Variants in GMDS observed in about 807,000 individuals in gnomAD.
GMDS encodes GDP-mannose 4,6-dehydratase, also known as GDP-mannose 4,6 dehydratase.
Under a neutral mutation model 49.9 loss-of-function variants are expected in GMDS, and 20 were observed. The ratio of observed to expected loss-of-function variants is 0.40; its 90% CI spans 0.28 to 0.58. GMDS has a LOEUF of 0.58. GMDS is among the 20% of genes least tolerant of loss of function. The probability of loss-of-function intolerance (pLI) is 0.42; values close to 1 mark genes in which losing one functional copy is unlikely to be tolerated. For missense variants in GMDS, 362 were observed against 481.4 expected, an observed-to-expected ratio of 0.75 and a Z score of 2.32; for synonymous variants, 177 against 178.6, an observed-to-expected ratio of 0.99 and a Z score of 0.07.
chr6:1,650,617 C>T (rs185958658), intron 9 of GMDS, among the ~76,000 whole-genome samples: 206 of 152,324 alleles, frequency 1.4e-3, no homozygotes, highest in African/African-American at 4.5e-3. Context: ...GCTCTGTCAC[C>T]CAGGCTGGAG....
At chr6:2,220,946 G>A (rs74436319) in intron 1 of GMDS, among the ~76,000 whole-genome samples, 8,302 of 152,234 alleles carry the variant, frequency 0.055, 348 homozygotes, top group East Asian at 0.2. Context: ...GGAGGCCAAC[G>A]TGGGAAGATC....
intron 7 of GMDS, among the ~76,000 whole-genome samples, chr6:1,790,424 A>G (rs1286202243): frequency 1.3e-5 from 2 of 152,208 alleles, no homozygotes; most frequent in Non-Finnish European, 1.5e-5. Flanking sequence ...AGAGAGGCTG[A>G]GTAACTTGTT....
chr6:1,713,252 C>T (rs945121962), intron 9 of GMDS, among the ~76,000 whole-genome samples: 6 of 152,228 alleles, frequency 3.9e-5, no homozygotes, highest in East Asian at 1.9e-4. Flanking sequence ...TTGGCCACTG[C>T]GGTCCCTGTG....
chr6:1,665,318 C>G (rs1316050683), intron 9 of GMDS, among the ~76,000 whole-genome samples: 4 of 152,008 alleles, frequency 2.6e-5, no homozygotes, highest in Non-Finnish European at 4.4e-5. Flanking sequence ...GTTTCAATTC[C>G]TTGTTTGAAG....
intron 1 of GMDS, among the ~76,000 whole-genome samples, chr6:2,239,289 C>A (rs1256637084): frequency 6.6e-6 from 1 of 150,430 alleles, no homozygotes; most frequent in Non-Finnish European, 1.5e-5. Flanking sequence ...GATCATACCA[C>A]CATTGCACTC....
intron 4 of GMDS, among the ~76,000 whole-genome samples, chr6:2,005,502 C>T (rs909954138): frequency 3.9e-5 from 6 of 152,172 alleles, no homozygotes; most frequent in Non-Finnish European, 7.3e-5. Context: ...TCTACTTTAA[C>T]AGTTTTCGTT....
intron 9 of GMDS, among the ~76,000 whole-genome samples, chr6:1,628,687 A>G (rs929048322): frequency 5.3e-4 from 80 of 152,212 alleles, no homozygotes; most frequent in Non-Finnish European, 4.4e-5. Context: ...TTGGCAGATT[A>G]TTGTTAAATT....
intron 7 of GMDS, among the ~76,000 whole-genome samples, chr6:1,820,785 C>A (rs1214145744): frequency 2.0e-5 from 3 of 152,170 alleles, no homozygotes; most frequent in Non-Finnish European, 4.4e-5. Flanking sequence ...TAACTGCAAG[C>A]CTGCTGCTTT....
intron 7 of GMDS, among the ~76,000 whole-genome samples, chr6:1,793,488 C>T (rs1419063545): frequency 6.6e-6 from 1 of 152,176 alleles, no homozygotes; most frequent in Non-Finnish European, 1.5e-5. Flanking sequence ...GACTTATGAT[C>T]TTTAAGATGT....
intron 7 of GMDS, among the ~76,000 whole-genome samples, chr6:1,897,594 G>A (rs914591127): frequency 1.3e-5 from 2 of 152,174 alleles, no homozygotes; most frequent in Admixed American, 6.5e-5. Flanking sequence ...AACAAAGTTT[G>A]TAATAAAGAC....
chr6:2,088,383 T>C (rs908065868), intron 4 of GMDS, among the ~76,000 whole-genome samples: 2 of 152,148 alleles, frequency 1.3e-5, no homozygotes, highest in Non-Finnish European at 2.9e-5. Context: ...GCCTGTATCA[T>C]AGGATTGGTA....
At chr6:1,779,638 C>T (rs1294958267) in intron 7 of GMDS, among the ~76,000 whole-genome samples, 6 of 152,168 alleles carry the variant, frequency 3.9e-5, no homozygotes, top group Admixed American at 3.9e-4. Flanking sequence ...CAAAAGCGCT[C>T]TTGTGTTTCC....
chr6:1,990,342 C>T (rs2127361735), intron 4 of GMDS, among the ~76,000 whole-genome samples: 1 of 152,200 alleles, frequency 6.6e-6, no homozygotes, highest in East Asian at 1.9e-4. Context: ...CCACCACCAC[C>T]ACCATCCCAT....
intron 1 of GMDS, among the ~76,000 whole-genome samples, chr6:2,218,574 T>C (rs1022843501): frequency 6.6e-6 from 1 of 152,202 alleles, no homozygotes; most frequent in African/African-American, 2.4e-5. Flanking sequence ...CTTTTACATC[T>C]TGCAATGGAA....
intron 8 of GMDS, among the ~76,000 whole-genome samples, chr6:1,739,782 GAGCCAAGAAGCAGAGGGGCCCTGA>G (rs1767189887): frequency 6.6e-6 from 1 of 152,182 alleles, no homozygotes; most frequent in Non-Finnish European, 1.5e-5. Context: ...CAGGGCACTG[GAGCCAAGAAGCAGAGGGGCCCTGA>G]AGGAGCACCA....
At chr6:1,885,046 CA>C (rs1759536119) in intron 7 of GMDS, among the ~76,000 whole-genome samples, 1 of 152,160 alleles carries the variant, frequency 6.6e-6, no homozygotes, top group South Asian at 2.1e-4. Flanking sequence ...GATATTTAAG[CA>C]ATCTGGCACC....
intron 7 of GMDS, among the ~76,000 whole-genome samples, chr6:1,879,610 G>T (rs1246075475): frequency 1.3e-5 from 2 of 151,110 alleles, no homozygotes; most frequent in African/African-American, 4.9e-5. Context: ...AGAATATTGA[G>T]ATAGAGAGAA....
chr6:1,631,224 C>T (rs1312055844), intron 9 of GMDS, among the ~76,000 whole-genome samples: 1 of 152,144 alleles, frequency 6.6e-6, no homozygotes, highest in East Asian at 1.9e-4. Flanking sequence ...AATTAAACCA[C>T]AAAACAATCA....
chr6:2,237,891 C>T (rs1294006953), intron 1 of GMDS, among the ~76,000 whole-genome samples: 1 of 152,020 alleles, frequency 6.6e-6, no homozygotes, highest in Non-Finnish European at 1.5e-5. Flanking sequence ...AAGGAGAAAA[C>T]TGAAATATAC....
Sources: allele counts gnomAD v4.1 joint callset (sites outside exome capture counted in the v4.1 genomes callset), GRCh38; gene constraint gnomAD v4.1.1; transcripts MANE v1.5; gene names NCBI Gene and HGNC (gene_info 2026-07-23, HGNC 2026-07-21).